ZSCAN18: variants seen among roughly 807,000 people sequenced by gnomAD.
ZSCAN18 encodes the protein zinc finger and SCAN domain containing 18.
In ZSCAN18, 16 loss-of-function variants were observed where a neutral mutation model predicts 31.1. The observed-to-expected ratio is 0.51, with a 90% CI of 0.35 to 0.78. ZSCAN18 has a LOEUF of 0.78. ZSCAN18 is among the 30% of genes least tolerant of loss of function. The pLI is 0.01. For missense variants in ZSCAN18, 731 were observed against 697.4 expected (o/e 1.05, Z -0.54); for synonymous variants, 375 against 320.7 (o/e 1.17, Z -1.81).
rs1186871571 is a variant in ZSCAN18 at position 58,090,692 on chromosome 19, C to T, written c.-119-306G>A. The T allele has an allele frequency of 1.7e-5, 4 of 228,582 alleles. No individual in the cohort carries two copies. The highest frequency in any genetic ancestry group is 1.7e-5 in the Non-Finnish European group (2 of 117,374). 14.2% of individuals were successfully genotyped at this position (228,582 alleles called of 1,614,324 possible). A position where few individuals can be genotyped will look rare whatever the true frequency, so the allele number is the denominator to read the frequency against. The stretch of plus-strand genomic sequence containing the variant: ...GCAACCTCTACCTCCCGGGTTCAAG[C>T]GAGTCTCCTGCCTCAGTCTCTCCAG... On this transcript the variant is annotated intron_variant, in intron 1 of 6. Transcript: ENST00000601144. The surrounding 1 kb of genome is among the most constrained non-coding windows in gnomAD (Gnocchi z 4.7).
At chr19:58,087,648 T>C (rs769084481) in intron 3 of ZSCAN18, 95 of 465,006 alleles carry the variant, frequency 2.0e-4, no homozygotes, top group Non-Finnish European at 3.1e-4. Context: ...TTTTTTTTTT[T>C]GGTTTGTTTG....
chr19:58,088,658 C>T (rs1222540301), intron 3 of ZSCAN18, 30 bp downstream of exon 3: 3 of 1,599,924 alleles, frequency 1.9e-6, no homozygotes, highest in Non-Finnish European at 2.5e-6. Context: ...TAAGGCCCAG[C>T]AGAGGCTGCC....
intron 1 of ZSCAN18, among the ~76,000 whole-genome samples, chr19:58,095,040 C>G (rs1292230966): frequency 6.6e-6 from 1 of 152,158 alleles, no homozygotes; most frequent in Non-Finnish European, 1.5e-5. Context: ...ATAAGCGACA[C>G]AGCAAGATCC....
intron 1 of ZSCAN18, chr19:58,107,567 TA>T: frequency 1.3e-6 from 1 of 779,280 alleles, no homozygotes; most frequent in Non-Finnish European, 1.6e-6. Context: ...GTCTCAAAAA[TA>T]AAATAAAATA....
At chr19:58,118,263 C>A (rs1248969355) in intron 1 of ZSCAN18, 2 of 1,427,754 alleles carry the variant, frequency 1.4e-6, no homozygotes, top group Non-Finnish European at 1.9e-6. Flanking sequence ...GTCCTTGACC[C>A]CACCCTCACT....
chr19:58,111,490 T>C (rs941379986), intron 1 of ZSCAN18, among the ~76,000 whole-genome samples: 75 of 151,930 alleles, frequency 4.9e-4, no homozygotes, highest in Non-Finnish European at 3.4e-4. Context: ...GGACTACAGG[T>C]ATGCACCACC....
chr19:58,097,074 G>T (rs1215773635), intron 1 of ZSCAN18, among the ~76,000 whole-genome samples: 1 of 152,140 alleles, frequency 6.6e-6, no homozygotes, highest in Admixed American at 6.5e-5. Context: ...GAAACCATCC[G>T]CAGGACATGA....
chr19:58,087,029 G>A (rs2074294906), intron 4 of ZSCAN18, 21 bp from the exon 5 acceptor site: 3 of 1,591,554 alleles, frequency 1.9e-6, no homozygotes, highest in African/African-American at 2.7e-5. Context: ...AGTCGTGGCT[G>A]AGACCTCCCA....
intron 1 of ZSCAN18, among the ~76,000 whole-genome samples, chr19:58,113,309 C>G (rs992075802): frequency 6.6e-6 from 1 of 151,382 alleles, no homozygotes; most frequent in Non-Finnish European, 1.5e-5. Context: ...AAGCAAGACT[C>G]TGTCTCCAAA....
In ZSCAN18 at chr19:58,098,226, G is replaced by A. The variant is rs2074559380; in HGVS notation, c.-172C>T. On this transcript the variant is annotated 5_prime_UTR_variant, in exon 1 of 7. Transcript: ENST00000601144. The stretch of plus-strand genomic sequence containing the variant: ...CCAGCCGCCCGGAGCCCCAGTGCGC[G>A]ATGGCGGCCGGCAAACTGCGCCTGC... 3 of 985,488 alleles carry A rather than the reference G, an allele frequency of 3.0e-6. No individual in the cohort carries two copies. The South Asian group carries it at 1.4e-4, about 46-fold the overall frequency. 61.0% of individuals were successfully genotyped at this position (985,488 alleles called of 1,614,324 possible).
Position 58,084,370 on chromosome 19 carries a change from C to G in ZSCAN18, c.*315G>C. The G allele has an allele frequency of 3.3e-6, 1 of 306,828 alleles. No individual in the cohort carries two copies. The highest frequency in any genetic ancestry group is 6.0e-6 in the Non-Finnish European group (1 of 167,914). 19.0% of individuals were successfully genotyped at this position (306,828 alleles called of 1,614,324 possible). On this transcript the variant is annotated 3_prime_UTR_variant, in exon 7 of 7. Transcript: ENST00000601144. The surrounding 1 kb of genome is among the most constrained non-coding windows in gnomAD (Gnocchi z 4.5). ...TGGCAGATCACGCACTTTAAGGCAACTCTACACTGCACAATGTCAAATAAC... is the reference window on the plus strand; with the variant it reads ...TGGCAGATCACGCACTTTAAGGCAAGTCTACACTGCACAATGTCAAATAAC...
intron 1 of ZSCAN18, 114 bp downstream of exon 1, chr19:58,098,060 A>C (rs1399926144): frequency 2.0e-5 from 20 of 985,298 alleles, no homozygotes; most frequent in Non-Finnish European, 2.4e-5. Context: ...TCGCACCCCA[A>C]CCCCGGGAAC....
At chr19:58,118,174 C>T (rs1015384378) in intron 1 of ZSCAN18, 2 of 576,504 alleles carry the variant, frequency 3.5e-6, no homozygotes, top group Non-Finnish European at 5.6e-6. Context: ...CAAGCCCCTG[C>T]CCAGAGCAGG....
chr19:58,108,377 A>T, intron 1 of ZSCAN18: 1 of 985,548 alleles, frequency 1.0e-6, no homozygotes, highest in South Asian at 4.7e-5. Context: ...TGAAATGCAA[A>T]ACAAGGGAAG....
chr19:58,105,443 C>T (rs1227604883), intron 1 of ZSCAN18, among the ~76,000 whole-genome samples: 1 of 152,050 alleles, frequency 6.6e-6, no homozygotes, highest in African/African-American at 2.4e-5. Context: ...AGGTGGATCA[C>T]GAGGTCAGGA....
At chr19:58,100,526 G>A (rs2074584625), upstream of ZSCAN18, among the ~76,000 whole-genome samples, 2 of 152,124 alleles carry the variant, frequency 1.3e-5, no homozygotes, top group South Asian at 2.1e-4. Context: ...AGGTGTGGTC[G>A]AAACGGGCTC....
chr19:58,096,687 C>T (rs1281122527), intron 1 of ZSCAN18, among the ~76,000 whole-genome samples: 1 of 152,214 alleles, frequency 6.6e-6, no homozygotes, highest in Non-Finnish European at 1.5e-5. Flanking sequence ...TCTAGCAAAC[C>T]ACCCCACAGC....
At chr19:58,091,433 C>A (rs1288188173) in intron 1 of ZSCAN18, among the ~76,000 whole-genome samples, 2 of 151,936 alleles carry the variant, frequency 1.3e-5, no homozygotes, top group African/African-American at 2.4e-5. Flanking sequence ...CACTGAACAA[C>A]CACCCACCTC....
In ZSCAN18 at chr19:58,088,797, A is replaced by T; in HGVS notation, c.444T>A (p.Leu148=). 6.2e-7 allele frequency: 1 copy of T among 1,612,922 alleles called. No individual in the cohort carries two copies. Among genetic ancestry groups the T allele is most frequent in the Non-Finnish European group, 8.5e-7 (1 of 1,179,954 alleles). ...TGTGCCTCTCGTACACTCCATCGCT[A>T]AGAATTGAGGATGAGCCCGCAGGGG... ...LGSPAGSSSI[L]SDGVYERHMD... The change falls in exon 3 of 7, where the codon CTT becomes CTA. Residue 148 remains leucine (L), a synonymous_variant. Transcript: ENST00000601144.
Sources: gnomAD v4.1 joint callset for allele counts (sites outside exome capture counted in the v4.1 genomes callset) on GRCh38, gnomAD v4.1.1 for gene constraint, Gnocchi (gnomAD v3.1) non-coding constraint, MANE v1.5 for transcripts, NCBI Gene and HGNC (gene_info 2026-07-23, HGNC 2026-07-21) for gene names.